Variants in SYT17 observed in about 807,000 individuals in gnomAD.
The protein encoded by SYT17 is synaptotagmin-17.
SYT17 carries 22 observed loss-of-function variants against 46.7 expected under a neutral mutation model. The ratio of observed to expected loss-of-function variants is 0.47; its 90% CI spans 0.34 to 0.67. The LOEUF (loss-of-function observed/expected upper bound fraction) is 0.67, where lower values mean the gene tolerates loss of function less well. Among genes scored for constraint, SYT17 ranks in the 30% least tolerant of loss-of-function variants. The pLI is 0.01. For synonymous variants in SYT17, 251 were observed against 248.4 expected (o/e 1.01, Z -0.10); for missense variants, 519 against 612.8 (o/e 0.85, Z 1.62).
rs1319509235 is a variant in SYT17 at position 19,173,411 on chromosome 16, C to T, written c.34-19C>T. 2 of 1,449,358 alleles carry T rather than the reference C, an allele frequency of 1.4e-6. No homozygotes were observed. Among genetic ancestry groups the T allele is most frequent in the Admixed American group, 4.1e-5 (2 of 48,240 alleles). The allele number at this position is 1,449,358 out of a possible 1,614,324, so 89.8% of individuals were successfully genotyped here. A position where few individuals can be genotyped will look rare whatever the true frequency, so the allele number is the denominator to read the frequency against. On this transcript the variant is annotated intron_variant, in intron 2 of 7. Coordinates refer to ENST00000355377, the MANE Select transcript of SYT17 (RefSeq NM_016524.4). ...CCCCTCTCCCCCATCCCCCCGCCCACCTCCCCCAATGGCCTCAGGGTTTTC... is the reference window on the plus strand; with the variant it reads ...CCCCTCTCCCCCATCCCCCCGCCCATCTCCCCCAATGGCCTCAGGGTTTTC...
chr16:19,235,883 A>C (rs1267773218), intron 7 of SYT17, among the ~76,000 whole-genome samples: 3 of 152,208 alleles, frequency 2.0e-5, no homozygotes. Flanking sequence ...CAGAGAAATT[A>C]TGCAACAGAG....
intron 7 of SYT17, among the ~76,000 whole-genome samples, chr16:19,240,963 T>G (rs1394516723): frequency 6.8e-6 from 1 of 146,500 alleles, no homozygotes; most frequent in East Asian, 2.0e-4. Flanking sequence ...TTTTTTTTTT[T>G]TTGAGACGGA....
chr16:19,201,197 G>T (rs765019276), intron 5 of SYT17, among the ~76,000 whole-genome samples: 5 of 152,194 alleles, frequency 3.3e-5, no homozygotes, highest in Non-Finnish European at 7.3e-5. Flanking sequence ...ATGGAGGCCT[G>T]TTTATCTGCG....
At chr16:19,263,157 G>A (rs1351143900) in intron 7 of SYT17, among the ~76,000 whole-genome samples, 1 of 149,478 alleles carries the variant, frequency 6.7e-6, no homozygotes, top group Non-Finnish European at 1.5e-5. Context: ...TTTCAAGATT[G>A]TGCAACCAAC....
intron 5 of SYT17, among the ~76,000 whole-genome samples, chr16:19,218,121 G>T (rs118066384): frequency 5.3e-5 from 8 of 152,338 alleles, no homozygotes; most frequent in East Asian, 1.9e-4. Flanking sequence ...TTAAGGAAAA[G>T]AAATGCGATT....
chr16:19,234,473 TTCCTC>T (rs548488515), intron 7 of SYT17, among the ~76,000 whole-genome samples: 152 of 152,308 alleles, frequency 1.0e-3, no homozygotes, highest in African/African-American at 3.5e-3. Context: ...ATTTTTACCT[TTCCTC>T]TAATGCTGAA....
chr16:19,255,674 A>G (rs1968509975), intron 7 of SYT17, among the ~76,000 whole-genome samples: 1 of 152,088 alleles, frequency 6.6e-6, no homozygotes, highest in South Asian at 2.1e-4. Flanking sequence ...AGTCCCAGCT[A>G]CTCAGGAACC....
intron 7 of SYT17, among the ~76,000 whole-genome samples, chr16:19,263,640 C>CAAAAAAA (rs1157288423): frequency 5.6e-4 from 22 of 39,154 alleles, no homozygotes; most frequent in African/African-American, 1.4e-3. Context: ...AATTACAACT[C>CAAAAAAA]AAAAAAAAAA....
At chr16:19,199,167 T>G (rs1965368242) in intron 5 of SYT17, among the ~76,000 whole-genome samples, 1 of 152,182 alleles carries the variant, frequency 6.6e-6, no homozygotes, top group Non-Finnish European at 1.5e-5. Flanking sequence ...CTCATCGTAG[T>G]GTAATAAGTA....
At chr16:19,250,359 TTGTGTGTGTGTGTGTGTGTG>T (rs55818940) in intron 7 of SYT17, among the ~76,000 whole-genome samples, 1 of 132,468 alleles carries the variant, frequency 7.5e-6, no homozygotes, top group Non-Finnish European at 1.6e-5. Context: ...TCAAACATGT[TTGTGTGTGTGTGTGTGTGTG>T]TGTGTGTGTG....
intron 5 of SYT17, among the ~76,000 whole-genome samples, chr16:19,221,224 AG>A (rs1031515582): frequency 1.1e-3 from 170 of 148,218 alleles, no homozygotes; most frequent in African/African-American, 4.0e-3. Flanking sequence ...AGAGAGAATG[AG>A]GAATCTGACC....
Position 19,222,294 on chromosome 16 carries a change from T to TA in SYT17, c.952-750dup, listed in dbSNP as rs1235134315. On this transcript the variant is annotated intron_variant, in intron 5 of 7. Transcript: ENST00000355377. ...TGTATATGGCTGAAATTTTCTACAA[T>TA]ACTTTTTTTTTTAAAAGGGGACAGA... 5.1e-5 allele frequency among the ~76,000 whole-genome samples: 7 copies of TA among 136,000 alleles called. No individual in the cohort carries two copies. In the South Asian group the frequency reaches 1.8e-3, roughly 35 times the overall value. 89.2% of individuals were successfully genotyped at this position (136,000 alleles called of 152,430 possible).
intron 5 of SYT17, among the ~76,000 whole-genome samples, chr16:19,204,905 G>A (rs229007): frequency 0.62 from 94,262 of 151,726 alleles, 30,127 homozygotes; most frequent in African/African-American, 0.73. Flanking sequence ...GGTGTTCCCC[G>A]TATCCATCAG....
At chr16:19,213,220 T>G (rs1282872460) in intron 5 of SYT17, among the ~76,000 whole-genome samples, 1 of 152,196 alleles carries the variant, frequency 6.6e-6, no homozygotes, top group Non-Finnish European at 1.5e-5. Context: ...GAGAGTGCAC[T>G]GAACAAAGGA....
intron 5 of SYT17, among the ~76,000 whole-genome samples, chr16:19,206,036 G>A (rs539348614): frequency 2.0e-5 from 3 of 152,288 alleles, no homozygotes; most frequent in African/African-American, 4.8e-5. Context: ...AAAAGAAGGC[G>A]TAGGCAGGAC....
intron 7 of SYT17, among the ~76,000 whole-genome samples, chr16:19,256,589 T>C (rs28504372): frequency 2.9e-5 from 3 of 104,174 alleles, no homozygotes; most frequent in Non-Finnish European, 5.9e-5. Context: ...ATTATTATTA[T>C]TATTATTGAG....
At chr16:19,170,430 AT>A (rs994550546) in intron 1 of SYT17, 24 of 151,992 alleles carry the variant, frequency 1.6e-4, no homozygotes, top group Admixed American at 1.4e-3. Context: ...TTTAGAATGC[AT>A]GGGTTGTCTT....
rs1306687056 is a variant in SYT17 at position 19,173,639 on chromosome 16, G to A, written c.182+61G>A. The stretch of plus-strand genomic sequence containing the variant: ...TTTCAAGACTTTTCCTTTTTAATGA[G>A]AAGGCGGGTTGGGGGTCTGGGCCAC... On this transcript the variant is annotated intron_variant, in intron 3 of 7. Transcript: ENST00000355377. The A allele has an allele frequency of 3.8e-6, 6 of 1,574,642 alleles. No homozygotes were observed. The East Asian group carries it at 1.1e-4, about 30-fold the overall frequency.
intron 1 of SYT17, 182 bp from the exon 2 acceptor site, chr16:19,172,578 G>A: frequency 6.6e-7 from 1 of 1,521,032 alleles, no homozygotes. Flanking sequence ...GCAACACCTT[G>A]TTAGGATGTT....
Sources: gnomAD v4.1 joint callset for allele counts (sites outside exome capture counted in the v4.1 genomes callset) on GRCh38, gnomAD v4.1.1 for gene constraint, MANE v1.5 for transcripts, NCBI Gene and HGNC (gene_info 2026-07-23, HGNC 2026-07-21) for gene names.